TIAM2: variants seen among roughly 807,000 people sequenced by gnomAD.
TIAM2 encodes rho guanine nucleotide exchange factor TIAM2.
A neutral mutation model predicts 152.9 loss-of-function variants in TIAM2; 80 were observed. The ratio of observed to expected loss-of-function variants is 0.52; its 90% confidence interval spans 0.44 to 0.63. TIAM2 has a LOEUF of 0.63. Among genes scored for constraint, TIAM2 ranks in the 30% least tolerant of loss-of-function variants. The probability of loss-of-function intolerance (pLI) is 0.00; values close to 1 mark genes in which losing one functional copy is unlikely to be tolerated. For synonymous variants in TIAM2, 804 were observed against 838.0 expected, an observed-to-expected ratio of 0.96 and a Z score of 0.70; for missense variants, 1,965 against 2,120.1, an observed-to-expected ratio of 0.93 and a Z score of 1.44.
In TIAM2 at chr6:155,257,175, GTAAAGTGGA is replaced by G; in HGVS notation, c.*55_*63del. The G allele has an allele frequency of 1.2e-6, 1 of 857,046 alleles. No individual in the cohort carries two copies. The highest frequency in any genetic ancestry group is 1.8e-6 in the Non-Finnish European group (1 of 553,932). The allele number at this position is 857,046 out of a possible 1,614,324, so 53.1% of individuals were successfully genotyped here. On this transcript the variant is annotated 3_prime_UTR_variant, in exon 27 of 27. Coordinates refer to ENST00000682666, the MANE Select transcript of TIAM2 (RefSeq NM_012454.4). ...TCCTCATTTTACTTTTAAACTGGTG[GTAAAGTGGA>G]AATTGCAAAAAAAAAAAAAAAAAAA...
chr6:155,082,665 C>CAAATAAATAAAT (rs765607888), intron 1 of TIAM2, among the ~76,000 whole-genome samples: 10,827 of 93,340 alleles, frequency 0.12, 568 homozygotes, highest in Middle Eastern at 0.18. Flanking sequence ...CAAAAAAACC[C>CAAATAAATAAAT]CAATAAATAA....
chr6:155,104,365 C>G (rs1027596147), intron 2 of TIAM2, among the ~76,000 whole-genome samples: 10 of 152,114 alleles, frequency 6.6e-5, no homozygotes, highest in African/African-American at 1.9e-4. Context: ...GCGCTTCTCC[C>G]CTGACCCCGC....
intron 1 of TIAM2, among the ~76,000 whole-genome samples, chr6:155,006,517 A>G (rs1016123682): frequency 6.6e-6 from 1 of 151,576 alleles, no homozygotes; most frequent in Non-Finnish European, 1.5e-5. Context: ...AAATACAAAA[A>G]TTACCGGGTG....
chr6:155,083,397 A>C (rs1337796055), intron 1 of TIAM2, among the ~76,000 whole-genome samples: 3 of 150,618 alleles, frequency 2.0e-5, no homozygotes, highest in Non-Finnish European at 4.4e-5. Context: ...TGGGCAAGAC[A>C]CTTATTTCAT....
intron 7 of TIAM2, among the ~76,000 whole-genome samples, chr6:155,157,670 G>C (rs1780159457): frequency 6.6e-6 from 1 of 152,110 alleles, no homozygotes; most frequent in African/African-American, 2.4e-5. Context: ...GCACCAAGAA[G>C]TGCATTTGCT....
At chr6:155,008,015 G>A (rs116413085) in intron 1 of TIAM2, among the ~76,000 whole-genome samples, 4 of 152,124 alleles carry the variant, frequency 2.6e-5, no homozygotes, top group East Asian at 1.9e-4. Flanking sequence ...TGGAATTTTC[G>A]GCAAACCAAC....
chr6:155,072,688 G>A (rs942300724), intron 1 of TIAM2, among the ~76,000 whole-genome samples: 12 of 152,150 alleles, frequency 7.9e-5, no homozygotes, highest in African/African-American at 2.7e-4. Context: ...CTTGGTTGTC[G>A]TCAATGATAG....
chr6:155,172,334 A>G (rs767251779), intron 9 of TIAM2, among the ~76,000 whole-genome samples: 2 of 152,076 alleles, frequency 1.3e-5, no homozygotes, highest in African/African-American at 4.8e-5. Context: ...AGTTCTTTAT[A>G]GTGGCCATCG....
At chr6:155,047,688 G>GAGAGAGAGAGAGGAGAGAGA (rs71023609) in intron 1 of TIAM2, among the ~76,000 whole-genome samples, 1 of 44,684 alleles carries the variant, frequency 2.2e-5, no homozygotes, top group Non-Finnish European at 5.0e-5. Flanking sequence ...GAGAGAGAGA[G>GAGAGAGAGAGAGGAGAGAGA]GAGAGAGAGA....
At chr6:155,169,977 G>A (rs1297724066) in intron 9 of TIAM2, among the ~76,000 whole-genome samples, 1 of 151,936 alleles carries the variant, frequency 6.6e-6, no homozygotes, top group East Asian at 1.9e-4. Context: ...TGCCACCAAG[G>A]CTGGCTAATT....
At chr6:154,997,834 C>G (rs544566690) in intron 1 of TIAM2, among the ~76,000 whole-genome samples, 1 of 151,818 alleles carries the variant, frequency 6.6e-6, no homozygotes, top group East Asian at 1.9e-4. Flanking sequence ...GAGGGGGTTT[C>G]GCCATGTTGC....
At chr6:155,232,725 G>T (rs922792409) in intron 15 of TIAM2, 5 of 140,124 alleles carry the variant, frequency 3.6e-5, no homozygotes, top group African/African-American at 1.3e-4. Context: ...GGGATCTCCC[G>T]CCAGGGATCT....
At chr6:155,097,096 T>A (rs1028809420) in intron 2 of TIAM2, among the ~76,000 whole-genome samples, 1 of 152,228 alleles carries the variant, frequency 6.6e-6, no homozygotes, top group African/African-American at 2.4e-5. Flanking sequence ...ATTTCTCTGA[T>A]GATTAGTGAT....
At chr6:155,241,941 A>G (rs1783053502) in intron 16 of TIAM2, among the ~76,000 whole-genome samples, 1 of 152,218 alleles carries the variant, frequency 6.6e-6, no homozygotes. Flanking sequence ...AGTTAAGGGC[A>G]GAGTTGAGAG....
intron 9 of TIAM2, 91 bp downstream of exon 9, chr6:155,165,500 C>T: frequency 6.7e-7 from 1 of 1,496,084 alleles, no homozygotes; most frequent in South Asian, 1.3e-5. Flanking sequence ...TGTTCATTCT[C>T]TGTTAAGAAT....
At chr6:155,185,123 C>CTTTTTTTTTTTTTTTTT (rs11404301) in intron 14 of TIAM2, among the ~76,000 whole-genome samples, 1 of 92,414 alleles carries the variant, frequency 1.1e-5, no homozygotes, top group African/African-American at 4.4e-5. Flanking sequence ...GCAAATTTAC[C>CTTTTTTTTTTTTTTTTT]TTTTTTTTTT....
intron 4 of TIAM2, among the ~76,000 whole-genome samples, chr6:155,132,694 G>A (rs1164666055): frequency 6.6e-6 from 1 of 152,180 alleles, no homozygotes; most frequent in Non-Finnish European, 1.5e-5. Context: ...CAACGTCCAC[G>A]CCTTTTTGAT....
At chr6:155,020,648 A>T (rs920385631) in intron 1 of TIAM2, among the ~76,000 whole-genome samples, 1 of 152,134 alleles carries the variant, frequency 6.6e-6, no homozygotes, top group Non-Finnish European at 1.5e-5. Context: ...TTTTTAGTAG[A>T]GACAGGGTTT....
Position 155,240,500 on chromosome 6 carries a change from C to G in TIAM2, c.3169-30C>G, listed in dbSNP as rs1274862441. ...GGATACTATCAGGGAGAGGCCCGTGCATTATTTTCCACCTCTTGTCCTCTC... is the reference window on the plus strand; with the variant it reads ...GGATACTATCAGGGAGAGGCCCGTGGATTATTTTCCACCTCTTGTCCTCTC... On this transcript the variant is annotated intron_variant, in intron 15 of 26. Transcript: ENST00000682666. 1.9e-6 allele frequency: 3 copies of G among 1,580,332 alleles called. No individual in the cohort carries two copies. The Admixed American group carries it at 5.1e-5, about 27-fold the overall frequency.
Sources: gnomAD v4.1 joint callset for allele counts (sites outside exome capture counted in the v4.1 genomes callset) on GRCh38, gnomAD v4.1.1 for gene constraint, MANE v1.5 for transcripts, NCBI Gene and HGNC (gene_info 2026-07-23, HGNC 2026-07-21) for gene names.